Variants in SMAP1 observed in about 807,000 individuals in gnomAD.
SMAP1 encodes stromal membrane-associated protein 1.
Under a neutral mutation model 58.5 loss-of-function variants are expected in SMAP1, and 24 were observed. The ratio of observed to expected loss-of-function variants is 0.41; its 90% confidence interval spans 0.30 to 0.58. The LOEUF (loss-of-function observed/expected upper bound fraction) is 0.58. Among genes scored for constraint, SMAP1 ranks in the 20% least tolerant of loss-of-function variants. The probability of loss-of-function intolerance (pLI) is 0.29; values close to 1 mark genes in which losing one functional copy is unlikely to be tolerated. For synonymous variants in SMAP1, 216 were observed against 196.6 expected (o/e 1.10, Z -0.82); for missense variants, 563 against 566.3 (o/e 0.99, Z 0.06).
rs549328768 is a variant in SMAP1, at chr6:70,746,003, T to C, written c.253-8977T>C. The stretch of plus-strand genomic sequence containing the variant: ...TATTATTGGTGTATAAGAATGCTTG[T>C]GATTTTTGCACATGATTTTGTATCC... On this transcript the variant is annotated intron_variant, in intron 2 of 10. Coordinates refer to ENST00000370455, the MANE Select transcript of SMAP1 (RefSeq NM_001044305.3). 2.0e-5 allele frequency among the ~76,000 whole-genome samples: 3 copies of C among 152,352 alleles called. No homozygotes were observed. The East Asian group carries it at 5.8e-4, about 29-fold the overall frequency.
intron 1 of SMAP1, among the ~76,000 whole-genome samples, chr6:70,669,291 G>C (rs922906011): frequency 3.9e-5 from 6 of 152,112 alleles, no homozygotes; most frequent in African/African-American, 1.4e-4. Flanking sequence ...AAGCTTTACT[G>C]TTCTATCTCA....
chr6:70,741,341 A>G (rs1277659409), intron 2 of SMAP1, among the ~76,000 whole-genome samples: 1 of 152,216 alleles, frequency 6.6e-6, no homozygotes, highest in African/African-American at 2.4e-5. Context: ...AGCTGTTCCA[A>G]ATGGAGAAAT....
chr6:70,776,828 T>G (rs1043321653), intron 4 of SMAP1, among the ~76,000 whole-genome samples: 2 of 152,210 alleles, frequency 1.3e-5, no homozygotes, highest in Non-Finnish European at 2.9e-5. Flanking sequence ...GATTTCATTC[T>G]TTTTATGGCT....
chr6:70,860,196 A>G lies in SMAP1; in HGVS notation c.1270-4A>G, dbSNP rs1330878660. The G allele has an allele frequency of 3.1e-6, 5 of 1,604,140 alleles. No individual in the cohort carries two copies. Among genetic ancestry groups the G allele is most frequent in the Non-Finnish European group, 3.4e-6 (4 of 1,176,532 alleles). On this transcript the variant is annotated splice_region_variant and splice_polypyrimidine_tract_variant and intron_variant, in intron 10 of 10. Transcript: ENST00000370455. ...TTGAACTAAGCCTTTTATATGTTTC[A>G]CAGATGAATCAGCAGATGGCTGGCA...
At chr6:70,725,708 CTTCTGTTCCTCCTT>C (rs1394636976) in intron 1 of SMAP1, among the ~76,000 whole-genome samples, 1 of 152,210 alleles carries the variant, frequency 6.6e-6, no homozygotes, top group Non-Finnish European at 1.5e-5. Context: ...TTGCCCTCCT[CTTCTGTTCCTCCTT>C]GGGCAAAATT....
At position 70,834,369 on chromosome 6, in the gene SMAP1, A is replaced by G. The variant is rs961846830; in HGVS notation, c.577-2572A>G. On this transcript the variant is annotated intron_variant, in intron 6 of 10. Coordinates refer to ENST00000370455, the MANE Select transcript of SMAP1 (RefSeq NM_001044305.3). The stretch of plus-strand genomic sequence containing the variant: ...CATGGAAGAAGATTCAGTAAAATAC[A>G]CCAAAAAAAAAAAAAAAGAATGCTA... 4.3e-4 allele frequency among the ~76,000 whole-genome samples: 41 copies of G among 96,182 alleles called. 1 individual carries two copies. The highest frequency in any genetic ancestry group is 2.1e-4 in the Non-Finnish European group (9 of 41,938). 63.1% of individuals were successfully genotyped at this position (96,182 alleles called of 152,430 possible).
chr6:70,668,006 C>T lies in SMAP1; in HGVS notation c.-18C>T. ...GCCGCCGCCGTAGCTGCCCCAGGCT[C>T]CCCGCCCCGCTGCCGAGATGGCGAC... On this transcript the variant is annotated 5_prime_UTR_variant, in exon 1 of 11. Transcript: ENST00000370455. The T allele has an allele frequency of 1.3e-6, 2 of 1,574,592 alleles. No individual in the cohort carries two copies. The highest frequency in any genetic ancestry group is 1.1e-5 in the South Asian group (1 of 87,126).
chr6:70,775,509 C>A (rs1363069968), intron 4 of SMAP1, among the ~76,000 whole-genome samples: 1 of 151,978 alleles, frequency 6.6e-6, no homozygotes, highest in East Asian at 1.9e-4. Context: ...GAATAAAATA[C>A]TTGGAGATTA....
At chr6:70,789,352 A>G (rs1176585143) in intron 4 of SMAP1, among the ~76,000 whole-genome samples, 1 of 151,718 alleles carries the variant, frequency 6.6e-6, no homozygotes, top group African/African-American at 2.4e-5. Flanking sequence ...GCCCCCAACC[A>G]TGGCCTTGGT....
intron 1 of SMAP1, among the ~76,000 whole-genome samples, chr6:70,686,458 G>T (rs1766938223): frequency 6.6e-6 from 1 of 152,258 alleles, no homozygotes; most frequent in Middle Eastern, 3.4e-3. Flanking sequence ...AAGGCTTAAT[G>T]GAACTTTTGT....
At chr6:70,730,065 C>T (rs892758587) in intron 1 of SMAP1, among the ~76,000 whole-genome samples, 1 of 152,154 alleles carries the variant, frequency 6.6e-6, no homozygotes. Flanking sequence ...TTCTCTCTCC[C>T]TTCTCCCCCT....
At chr6:70,736,112 G>A (rs1317824767) in intron 2 of SMAP1, among the ~76,000 whole-genome samples, 3 of 152,076 alleles carry the variant, frequency 2.0e-5, no homozygotes, top group African/African-American at 4.8e-5. Flanking sequence ...TGTTATTTAT[G>A]TATATGTTAT....
At chr6:70,725,901 A>AT in intron 1 of SMAP1, among the ~76,000 whole-genome samples, 1 of 152,336 alleles carries the variant, frequency 6.6e-6, no homozygotes, top group Non-Finnish European at 1.5e-5. Context: ...CTCTAAACCT[A>AT]TATCATTAGC....
chr6:70,763,425 T>A (rs1562141917), intron 3 of SMAP1, among the ~76,000 whole-genome samples: 1 of 152,324 alleles, frequency 6.6e-6, no homozygotes, highest in Non-Finnish European at 1.5e-5. Context: ...GCATTCTGAC[T>A]ACACTGATCA....
Position 70,861,572 on chromosome 6 carries a change from C to T in SMAP1, c.*1238C>T. 1 of 1,197,062 alleles carries T rather than the reference C, an allele frequency of 8.4e-7. No homozygotes were observed. Among genetic ancestry groups the T allele is most frequent in the South Asian group, 1.4e-5 (1 of 71,582 alleles). The allele number at this position is 1,197,062 out of a possible 1,614,324, so 74.2% of individuals were successfully genotyped here. ...GGCTGCTGTACTGAAGTAAAACAAA[C>T]AATACCTGAATGCTCTGTAGCCTAA... On this transcript the variant is annotated 3_prime_UTR_variant, in exon 11 of 11. Coordinates refer to ENST00000370455, the MANE Select transcript of SMAP1 (RefSeq NM_001044305.3).
intron 1 of SMAP1, among the ~76,000 whole-genome samples, chr6:70,716,218 A>G (rs999778980): frequency 3.3e-5 from 5 of 152,184 alleles, no homozygotes; most frequent in Non-Finnish European, 5.9e-5. Flanking sequence ...TTATTATTAT[A>G]TACTCACCAT....
At chr6:70,684,887 T>C (rs1467545056) in intron 1 of SMAP1, among the ~76,000 whole-genome samples, 1 of 152,202 alleles carries the variant, frequency 6.6e-6, no homozygotes, top group Non-Finnish European at 1.5e-5. Flanking sequence ...AGCTCACTGC[T>C]CTGTTTTGAA....
At chr6:70,697,492 G>A (rs1459219529) in intron 1 of SMAP1, among the ~76,000 whole-genome samples, 2 of 152,030 alleles carry the variant, frequency 1.3e-5, no homozygotes, top group Non-Finnish European at 2.9e-5. Flanking sequence ...ATTTTTAGTA[G>A]AGACGGGTTT....
intron 6 of SMAP1, among the ~76,000 whole-genome samples, chr6:70,805,112 T>C (rs1769060738): frequency 6.6e-6 from 1 of 152,204 alleles, no homozygotes; most frequent in Non-Finnish European, 1.5e-5. Flanking sequence ...CTTGGTTTCA[T>C]TCTCCCCATC....
Sources: allele counts gnomAD v4.1 joint callset (sites outside exome capture counted in the v4.1 genomes callset), GRCh38; gene constraint gnomAD v4.1.1; transcripts MANE v1.5; gene names NCBI Gene and HGNC (gene_info 2026-07-23, HGNC 2026-07-21).